SAMSN1: variants seen among roughly 807,000 people sequenced by gnomAD.
SAMSN1 encodes the protein SAM domain-containing protein SAMSN-1.
In SAMSN1, 31 loss-of-function variants were observed where a neutral mutation model predicts 42.0. That is an observed-to-expected ratio of 0.74 (90% CI 0.55 to 1.00). The LOEUF is 1.00. SAMSN1 is among the 50% of genes least tolerant of loss of function. The pLI is 0.00. For synonymous variants in SAMSN1, 178 were observed against 151.9 expected (o/e 1.17, Z -1.26); for missense variants, 464 against 439.4 (o/e 1.06, Z -0.50).
chr21:14,531,609 C>T (rs1042192441), intron 1 of SAMSN1, among the ~76,000 whole-genome samples: 10 of 151,920 alleles, frequency 6.6e-5, no homozygotes, highest in African/African-American at 2.4e-4. Flanking sequence ...GCTAACAAAA[C>T]TTTAGTTTCC....
chr21:14,499,930 G>T (rs555590364), intron 6 of SAMSN1, among the ~76,000 whole-genome samples: 58 of 152,244 alleles, frequency 3.8e-4, no homozygotes, highest in Middle Eastern at 6.8e-3. Flanking sequence ...TTGATACTAG[G>T]TGTAGTGTAT....
chr21:14,504,517 G>A (rs903708964), intron 5 of SAMSN1, among the ~76,000 whole-genome samples: 2 of 152,090 alleles, frequency 1.3e-5, no homozygotes, highest in African/African-American at 4.8e-5. Context: ...AGAGCTCAAA[G>A]GCAAGGTCTT....
chr21:14,625,194 C>A (rs9979217), intron 2 of SAMSN1, among the ~76,000 whole-genome samples: 29,405 of 151,832 alleles, frequency 0.19, 3,023 homozygotes, highest in African/African-American at 0.26. Flanking sequence ...AAAAACTGGA[C>A]GCATTCCCTT....
chr21:14,643,450 AAAT>A (rs1983643584), intron 1 of SAMSN1, among the ~76,000 whole-genome samples: 1 of 152,216 alleles, frequency 6.6e-6, no homozygotes, highest in South Asian at 2.1e-4. Context: ...TCAAAAAACT[AAAT>A]AAATGCCTTT....
chr21:14,539,493 C>T (rs939111553), intron 1 of SAMSN1, among the ~76,000 whole-genome samples: 1 of 152,008 alleles, frequency 6.6e-6, no homozygotes, highest in Non-Finnish European at 1.5e-5. Context: ...TTCTTACACA[C>T]CAATAACAGA....
intron 1 of SAMSN1, among the ~76,000 whole-genome samples, chr21:14,535,093 C>A (rs1979521195): frequency 6.6e-6 from 1 of 152,148 alleles, no homozygotes; most frequent in African/African-American, 2.4e-5. Context: ...GAACACGGGC[C>A]TCACTCCACC....
chr21:14,548,278 A>G (rs1284411530), upstream of SAMSN1, among the ~76,000 whole-genome samples: 2 of 152,154 alleles, frequency 1.3e-5, no homozygotes, highest in South Asian at 4.1e-4. Context: ...TAAAGGACAT[A>G]CTTATTAGAT....
chr21:14,563,848 C>CAT (rs1011115050), intron 2 of SAMSN1, among the ~76,000 whole-genome samples: 3 of 152,148 alleles, frequency 2.0e-5, no homozygotes, highest in Admixed American at 6.6e-5. Flanking sequence ...CAGCAATTGA[C>CAT]ATATGTGTCA....
chr21:14,656,132 C>A (rs1262319231), intron 1 of SAMSN1, among the ~76,000 whole-genome samples: 1 of 151,678 alleles, frequency 6.6e-6, no homozygotes, highest in Non-Finnish European at 1.5e-5. Context: ...AAGTCAATTT[C>A]CCCTAAAAAT....
At chr21:14,502,617 T>C (rs1406681615) in intron 5 of SAMSN1, among the ~76,000 whole-genome samples, 1 of 152,180 alleles carries the variant, frequency 6.6e-6, no homozygotes, top group Non-Finnish European at 1.5e-5. Flanking sequence ...GGCACGGTAT[T>C]GTACGGAAGT....
chr21:14,613,841 T>TTA (rs1190696286), intron 3 of SAMSN1, among the ~76,000 whole-genome samples: 3 of 151,916 alleles, frequency 2.0e-5, no homozygotes, highest in African/African-American at 7.2e-5. Context: ...TTTTCATACT[T>TTA]TATATATATT....
intron 1 of SAMSN1, among the ~76,000 whole-genome samples, chr21:14,537,902 G>A (rs1427021248): frequency 6.6e-6 from 1 of 152,216 alleles, no homozygotes; most frequent in African/African-American, 2.4e-5. Flanking sequence ...TGCCCGTGCT[G>A]TTGCTCTATA....
intron 1 of SAMSN1, among the ~76,000 whole-genome samples, chr21:14,649,668 G>T (rs1251360185): frequency 6.6e-6 from 1 of 151,864 alleles, no homozygotes; most frequent in Admixed American, 6.6e-5. Context: ...TACTCAGGAG[G>T]CTGAGGTAGG....
rs772778650 is a variant in SAMSN1 at position 14,516,884 on chromosome 21, A to ATATTTACCTTT, written c.276_279+7dup. The ATATTTACCTTT allele has an allele frequency of 6.3e-7, 1 of 1,599,252 alleles. No individual in the cohort carries two copies. Among genetic ancestry groups the ATATTTACCTTT allele is most frequent in the Non-Finnish European group, 8.5e-7 (1 of 1,173,014 alleles). ...GAAAAATACAAATGATTATCAGAGAATATTTACCTTTTCCTCAGAAAGGGC... is the reference window on the plus strand; with the variant it reads ...GAAAAATACAAATGATTATCAGAGAATATTTACCTTTTATTTACCTTTTCCTCAGAAAGGGC... On this transcript the variant is annotated splice_region_variant and intron_variant, in intron 3 of 7. Transcript: ENST00000400566.
intron 5 of SAMSN1, among the ~76,000 whole-genome samples, chr21:14,505,928 A>T (rs1406650633): frequency 6.6e-6 from 1 of 152,220 alleles, no homozygotes; most frequent in Non-Finnish European, 1.5e-5. Flanking sequence ...ATAAAACTGG[A>T]AATTAACTGC....
intron 1 of SAMSN1, among the ~76,000 whole-genome samples, chr21:14,538,947 C>T (rs897614632): frequency 6.6e-6 from 1 of 152,104 alleles, no homozygotes; most frequent in African/African-American, 2.4e-5. Context: ...CAAAGAAAAA[C>T]CTGCTAAAAT....
intron 2 of SAMSN1, among the ~76,000 whole-genome samples, chr21:14,630,412 G>T (rs1285330669): frequency 1.3e-5 from 2 of 149,802 alleles, no homozygotes; most frequent in African/African-American, 4.9e-5. Context: ...GATGATTAAA[G>T]AGATAACCAT....
chr21:14,597,974 C>T (rs1381836307), intron 6 of SAMSN1: 1 of 152,172 alleles, frequency 6.6e-6, no homozygotes, highest in Non-Finnish European at 1.5e-5. Flanking sequence ...TTGGCCACAA[C>T]TGGATTCCAT....
intron 2 of SAMSN1, among the ~76,000 whole-genome samples, chr21:14,634,538 T>C (rs779310435): frequency 7.9e-5 from 12 of 152,258 alleles, no homozygotes; most frequent in South Asian, 2.1e-4. Context: ...AAAGAAGACA[T>C]TTATGCAGCC....
Sources: gnomAD v4.1 joint callset for allele counts (sites outside exome capture counted in the v4.1 genomes callset) on GRCh38, gnomAD v4.1.1 for gene constraint, MANE v1.5 for transcripts, NCBI Gene and HGNC (gene_info 2026-07-23, HGNC 2026-07-21) for gene names.